The following CCR7 variants were observed in gnomAD, a reference collection of about 807,000 sequenced individuals.
The protein encoded by CCR7 is C-C motif chemokine receptor 7.
Under a neutral mutation model 26.0 loss-of-function variants are expected in CCR7, and 11 were observed. That is an observed-to-expected ratio of 0.42 (90% CI 0.27 to 0.70). CCR7 has a LOEUF of 0.70. Ranked by LOEUF, CCR7 falls within the 30% of genes least tolerant of loss-of-function variation. The pLI, the probability that CCR7 is intolerant of heterozygous loss-of-function variation, is 0.23. For synonymous variants in CCR7, 189 were observed against 202.1 expected, an observed-to-expected ratio of 0.94 and a Z score of 0.55; for missense variants, 360 against 504.0, an observed-to-expected ratio of 0.71 and a Z score of 2.74.
chr17:40,560,440 C>T (rs543285883), intron 1 of CCR7, among the ~76,000 whole-genome samples: 53 of 152,312 alleles, frequency 3.5e-4, no homozygotes, highest in African/African-American at 1.3e-3. Context: ...GTGTCCTTGG[C>T]CACAGCACCA....
In CCR7 at chr17:40,558,907, G is replaced by A. The variant is rs374537899; in HGVS notation, c.46C>T (p.Leu16Phe). 8.1e-6 allele frequency: 13 copies of A among 1,613,666 alleles called. No homozygotes were observed. In the African/African-American group the frequency reaches 1.6e-4, roughly 20 times the overall value. Residue 16 changes from leucine (L) to phenylalanine (F), a missense_variant, in exon 2 of 3, where the codon CTT becomes TTT. Leu to Phe is a conservative substitution (Grantham distance 22). Coordinates refer to ENST00000246657, the MANE Select transcript of CCR7 (RefSeq NM_001838.4). ...GAGAACCTCACCTGGAAAATGACAA[G>A]GAGAGCCACCACCAGCACGCTTTTC... ...PMKSVLVVAL[L>F]VIFQVCLCQD...
intron 1 of CCR7, among the ~76,000 whole-genome samples, chr17:40,562,211 C>T (rs2036662777): frequency 6.6e-6 from 1 of 152,202 alleles, no homozygotes; most frequent in Non-Finnish European, 1.5e-5. Context: ...TCCCTCATAA[C>T]ATCTCATGAG....
rs375638802 is a variant in CCR7 at position 40,555,668 on chromosome 17, C to G, written c.211G>C (p.Val71Leu). 2 of 1,614,054 alleles carry G rather than the reference C, an allele frequency of 1.2e-6. No homozygotes were observed. Among genetic ancestry groups the G allele is most frequent in the Non-Finnish European group, 1.7e-6 (2 of 1,180,006 alleles). ...LPIMYSIICF[V>L]GLLGNGLVVL... ...ACCAGCCCATTGCCCAGTAGGCCCA[C>G]GAAACAAATGATGGAGTACATGATA... Residue 71 changes from valine (V) to leucine (L), a missense_variant, in exon 3 of 3, where the codon GTG becomes CTG. Transcript: ENST00000246657. This position sits in a 1 kb window ranked among gnomAD's most constrained non-coding sequence, Gnocchi z 5.6.
At chr17:40,562,479 CCGGCCCCCAAAA>C (rs1445676544) in intron 1 of CCR7, among the ~76,000 whole-genome samples, 2 of 152,152 alleles carry the variant, frequency 1.3e-5, no homozygotes, top group Admixed American at 1.3e-4. Context: ...CCCCAACATC[CCGGCCCCCAAAA>C]GAGCCGGCCC....
intron 1 of CCR7, among the ~76,000 whole-genome samples, chr17:40,561,797 C>T (rs1210638252): frequency 2.6e-5 from 4 of 151,230 alleles, no homozygotes; most frequent in Non-Finnish European, 5.9e-5. Flanking sequence ...CTCTCTCTCT[C>T]TTTTTTTTTG....
At chr17:40,558,260 G>A (rs2036614144) in intron 2 of CCR7, among the ~76,000 whole-genome samples, 1 of 152,182 alleles carries the variant, frequency 6.6e-6, no homozygotes, top group East Asian at 1.9e-4. Flanking sequence ...CACACTTTCT[G>A]TCTGTTTCTG....
At chr17:40,559,528 G>T (rs2036631130) in intron 1 of CCR7, among the ~76,000 whole-genome samples, 1 of 152,196 alleles carries the variant, frequency 6.6e-6, no homozygotes, top group African/African-American at 2.4e-5. Flanking sequence ...CTGGGTAGAG[G>T]GATGAGGTTC....
rs1385275818 is a variant in CCR7, at chr17:40,554,557, A to G, written c.*185T>C. 1.6e-6 allele frequency: 1 copy of G among 630,778 alleles called. No homozygotes were observed. The highest frequency in any genetic ancestry group is 2.6e-5 in the Admixed American group (1 of 37,850). 39.1% of individuals were successfully genotyped at this position (630,778 alleles called of 1,614,324 possible). On this transcript the variant is annotated 3_prime_UTR_variant, in exon 3 of 3. Coordinates refer to ENST00000246657, the MANE Select transcript of CCR7 (RefSeq NM_001838.4). Reference sequence around the variant, plus strand: ...CTTATCAGCCCTGTCTTTTTTTGGCATTGGTTGAGGTAGCTGGGATTGGGG... The same window carrying G: ...CTTATCAGCCCTGTCTTTTTTTGGCGTTGGTTGAGGTAGCTGGGATTGGGG...
At chr17:40,564,218 C>G (rs1325494949) in intron 1 of CCR7, among the ~76,000 whole-genome samples, 1 of 152,194 alleles carries the variant, frequency 6.6e-6, no homozygotes, top group Non-Finnish European at 1.5e-5. Context: ...TGTATTCATT[C>G]ATTCCGCAGA....
In CCR7 at chr17:40,558,907, G is replaced by C. The variant is rs374537899; in HGVS notation, c.46C>G (p.Leu16Val). ...GAGAACCTCACCTGGAAAATGACAA[G>C]GAGAGCCACCACCAGCACGCTTTTC... is the stretch of plus-strand genomic sequence containing the variant. Reference protein sequence around the residue: ...PMKSVLVVALLVIFQVCLCQD... With the variant: ...PMKSVLVVALVVIFQVCLCQD... The change falls in exon 2 of 3, where the codon CTT becomes GTT. Residue 16 changes from leucine (L) to valine (V), a missense_variant. Transcript: ENST00000246657. 1 of 1,613,666 alleles carries C rather than the reference G, an allele frequency of 6.2e-7. No homozygotes were observed. Among genetic ancestry groups the C allele is most frequent in the South Asian group, 1.1e-5 (1 of 91,060 alleles).
chr17:40,562,588 C>T (rs963320691), intron 1 of CCR7, among the ~76,000 whole-genome samples: 1 of 152,218 alleles, frequency 6.6e-6, no homozygotes, highest in Non-Finnish European at 1.5e-5. Flanking sequence ...AATTCACCTA[C>T]TTGAAAAATA....
chr17:40,562,632 T>A (rs1439286639), intron 1 of CCR7, among the ~76,000 whole-genome samples: 1 of 152,188 alleles, frequency 6.6e-6, no homozygotes, highest in African/African-American at 2.4e-5. Context: ...GTTTTCAGGA[T>A]AAAGTTCAAA....
At chr17:40,564,396 G>A (rs1188358847) in intron 1 of CCR7, among the ~76,000 whole-genome samples, 2 of 152,192 alleles carry the variant, frequency 1.3e-5, no homozygotes, top group East Asian at 3.8e-4. Flanking sequence ...GTGGTGTGGC[G>A]AGGAGGGGTG....
intron 1 of CCR7, among the ~76,000 whole-genome samples, chr17:40,562,038 C>T (rs1044596422): frequency 2.6e-5 from 4 of 152,170 alleles, no homozygotes; most frequent in African/African-American, 7.2e-5. Context: ...ATGAGGTAGG[C>T]GCTACTATTA....
chr17:40,561,903 G>A (rs1390688829), intron 1 of CCR7, among the ~76,000 whole-genome samples: 1 of 152,120 alleles, frequency 6.6e-6, no homozygotes, highest in Non-Finnish European at 1.5e-5. Flanking sequence ...GTGAGAGCCT[G>A]GTAGACCTTG....
rs139748022 is a variant in CCR7, at chr17:40,556,350, A to C, written c.61-532T>G. ...ACGCATCACCTGATTAATCCTGTGA[A>C]CATGTCTATCCTGAATCAGTAGGCT... is the stretch of plus-strand genomic sequence containing the variant. On this transcript the variant is annotated intron_variant, in intron 2 of 2. Coordinates refer to ENST00000246657, the MANE Select transcript of CCR7 (RefSeq NM_001838.4). Among the ~76,000 whole-genome samples the C allele has an allele frequency of 2.5e-3, 378 of 152,300 alleles. 10 individuals carry two copies. Among genetic ancestry groups the C allele is most frequent in the Admixed American group, 0.022 (331 of 15,300 alleles).
In CCR7 at chr17:40,555,856, G is replaced by T. The variant is rs377201154; in HGVS notation, c.61-38C>A. 6.9e-7 allele frequency: 1 copy of T among 1,451,126 alleles called. No homozygotes were observed. The highest frequency in any genetic ancestry group is 1.2e-5 in the South Asian group (1 of 83,706). The allele number at this position is 1,451,126 out of a possible 1,614,324, so 89.9% of individuals were successfully genotyped here. On this transcript the variant is annotated intron_variant, in intron 2 of 2. Transcript: ENST00000246657. The surrounding 1 kb of genome is among the most constrained non-coding windows in gnomAD (Gnocchi z 5.6). ...AAATGAGGGAAAACAGGCCAGTTTA[G>T]CTGGGTGGCTCCAACTCTGGCTGGG...
intron 1 of CCR7, chr17:40,560,974 G>A (rs978598540): frequency 3.3e-5 from 5 of 152,320 alleles, no homozygotes; most frequent in East Asian, 1.9e-4. Flanking sequence ...CACTCTTCAC[G>A]GTTCAACGCT....
chr17:40,556,141 G>A (rs926130645), intron 2 of CCR7, among the ~76,000 whole-genome samples: 1 of 152,058 alleles, frequency 6.6e-6, no homozygotes, highest in Non-Finnish European at 1.5e-5. Context: ...TGGTTTCATC[G>A]TGAGGTCCGC....
Sources: gnomAD v4.1 joint callset for allele counts (sites outside exome capture counted in the v4.1 genomes callset) on GRCh38, gnomAD v4.1.1 for gene constraint, Gnocchi (gnomAD v3.1) non-coding constraint, MANE v1.5 for transcripts, NCBI Gene and HGNC (gene_info 2026-07-23, HGNC 2026-07-21) for gene names.